MYO3B: variants seen among roughly 807,000 people sequenced by gnomAD.
MYO3B encodes myosin-IIIb.
MYO3B carries 156 observed loss-of-function variants against 174.6 expected under a neutral mutation model. The observed-to-expected ratio is 0.89, with a 90% CI of 0.78 to 1.02. The LOEUF is 1.02. MYO3B is among the 50% of genes least tolerant of loss of function. MYO3B has a pLI of 0.00. For missense variants in MYO3B, 1,632 were observed against 1,639.4 expected, an observed-to-expected ratio of 1.00 and a Z score of 0.08; for synonymous variants, 563 against 569.1, an observed-to-expected ratio of 0.99 and a Z score of 0.15.
At chr2:170,228,231 G>T (rs887014817) in intron 6 of MYO3B, among the ~76,000 whole-genome samples, 2 of 152,152 alleles carry the variant, frequency 1.3e-5, no homozygotes, top group African/African-American at 2.4e-5. Flanking sequence ...CAGGAAGGTG[G>T]TAGGTAACCA....
chr2:170,519,642 A>G (rs1575108677), intron 30 of MYO3B, 102 bp downstream of exon 30: 9 of 1,039,752 alleles, frequency 8.7e-6, no homozygotes, highest in South Asian at 5.8e-5. Context: ...TTCTACCACT[A>G]TGGTATTTTG....
At chr2:170,552,406 T>C (rs999652218) in intron 32 of MYO3B, among the ~76,000 whole-genome samples, 2 of 152,204 alleles carry the variant, frequency 1.3e-5, no homozygotes. Flanking sequence ...ACTCTTGCTA[T>C]GCTTATCAAA....
At chr2:170,646,799 GAATT>G in intron 32 of MYO3B, 1 of 617,366 alleles carries the variant, frequency 1.6e-6, no homozygotes, top group Non-Finnish European at 2.7e-6. Context: ...TATGGTGTAT[GAATT>G]AATAGAGAAG....
intron 30 of MYO3B, among the ~76,000 whole-genome samples, chr2:170,527,894 C>T (rs1037810850): frequency 5.3e-5 from 8 of 152,216 alleles, no homozygotes; most frequent in African/African-American, 1.9e-4. Context: ...TTCTGTAGCA[C>T]TCACAGAATC....
rs56861648 is a variant in MYO3B, at chr2:170,563,031, TACACACAC to T, written c.3733+19068_3733+19075del. The stretch of plus-strand genomic sequence containing the variant: ...ACACTACAAAGTTGTAAAACATGCA[TACACACAC>T]ACACACACACACACACACACACACT... On this transcript the variant is annotated intron_variant, in intron 32 of 34. Coordinates refer to ENST00000408978, the MANE Select transcript of MYO3B (RefSeq NM_138995.5). 3.0e-3 allele frequency among the ~76,000 whole-genome samples: 422 copies of T among 138,670 alleles called. 3 individuals carry two copies. The highest frequency in any genetic ancestry group is 8.9e-3 in the African/African-American group (322 of 36,374). 91.0% of individuals were successfully genotyped at this position (138,670 alleles called of 152,430 possible).
At chr2:170,478,417 C>T (rs906866342) in intron 25 of MYO3B, among the ~76,000 whole-genome samples, 4 of 151,836 alleles carry the variant, frequency 2.6e-5, no homozygotes, top group Non-Finnish European at 5.9e-5. Flanking sequence ...TCCTTGCTAC[C>T]TCATTTAAGA....
At chr2:170,522,276 C>T (rs1688716315) in intron 30 of MYO3B, among the ~76,000 whole-genome samples, 1 of 152,162 alleles carries the variant, frequency 6.6e-6, no homozygotes, top group Admixed American at 6.5e-5. Context: ...CTGATTCACA[C>T]ACCAAGACTT....
intron 32 of MYO3B, among the ~76,000 whole-genome samples, chr2:170,584,897 A>T (rs752636937): frequency 6.6e-6 from 1 of 152,234 alleles, no homozygotes; most frequent in African/African-American, 2.4e-5. Flanking sequence ...GAAATCTGGG[A>T]TGCTTTTAAG....
intron 32 of MYO3B, among the ~76,000 whole-genome samples, chr2:170,629,651 A>T (rs191473322): frequency 2.0e-5 from 3 of 152,250 alleles, no homozygotes; most frequent in African/African-American, 7.2e-5. Flanking sequence ...GGAGTTCAAG[A>T]CCAGCCTGGG....
At chr2:170,228,127 T>C (rs1424662) in intron 6 of MYO3B, among the ~76,000 whole-genome samples, 137,324 of 152,184 alleles carry the variant, frequency 0.9, 63,407 homozygotes, top group East Asian at 1. Flanking sequence ...ATAGCGTAGA[T>C]GTTACTGTGA....
chr2:170,311,974 C>T (rs62170781), intron 7 of MYO3B, among the ~76,000 whole-genome samples: 7,289 of 152,206 alleles, frequency 0.048, 233 homozygotes, highest in Middle Eastern at 0.11. Flanking sequence ...CTTCTTATGC[C>T]GGTAATCACA....
chr2:170,236,273 G>T, intron 7 of MYO3B, 137 bp downstream of exon 7: 1 of 1,100,652 alleles, frequency 9.1e-7, no homozygotes. Context: ...CTTTGAAAAA[G>T]CAAGGGGGGC....
At chr2:170,567,295 A>G (rs1447472887) in intron 32 of MYO3B, among the ~76,000 whole-genome samples, 2 of 152,282 alleles carry the variant, frequency 1.3e-5, no homozygotes, top group Admixed American at 6.5e-5. Context: ...ATGAGTATTA[A>G]TGAAATGAAT....
chr2:170,614,482 A>G (rs1421979742), intron 32 of MYO3B, among the ~76,000 whole-genome samples: 2 of 152,162 alleles, frequency 1.3e-5, no homozygotes, highest in Non-Finnish European at 2.9e-5. Flanking sequence ...TGCACCCATC[A>G]TGAGCTGACC....
At chr2:170,288,261 A>C (rs1389294291) in intron 7 of MYO3B, among the ~76,000 whole-genome samples, 1 of 151,736 alleles carries the variant, frequency 6.6e-6, no homozygotes, top group African/African-American at 2.4e-5. Context: ...TTCTGTGAAG[A>C]ATGTCATTGG....
intron 25 of MYO3B, among the ~76,000 whole-genome samples, chr2:170,470,278 T>TA (rs1386674461): frequency 6.6e-6 from 1 of 152,106 alleles, no homozygotes; most frequent in Non-Finnish European, 1.5e-5. Flanking sequence ...CCACCAAACT[T>TA]AGGCAACCAA....
intron 7 of MYO3B, among the ~76,000 whole-genome samples, chr2:170,295,413 A>G (rs2093623126): frequency 6.6e-6 from 1 of 150,940 alleles, no homozygotes; most frequent in East Asian, 1.9e-4. Flanking sequence ...TAATTGATTT[A>G]TATTATTTTA....
chr2:170,521,681 A>T (rs767265078), intron 30 of MYO3B, among the ~76,000 whole-genome samples: 36 of 150,940 alleles, frequency 2.4e-4, no homozygotes, highest in Non-Finnish European at 4.3e-4. Context: ...CATCTTTTAC[A>T]CTCTGCTATC....
At position 170,557,289 on chromosome 2, in the gene MYO3B, A is replaced by G. The variant is rs111354414; in HGVS notation, c.3733+13301A>G. Among the ~76,000 whole-genome samples, 699 of 152,000 alleles carry G rather than the reference A, an allele frequency of 4.6e-3. 4 individuals are homozygous for G. Among genetic ancestry groups the G allele is most frequent in the Non-Finnish European group, 6.9e-3 (470 of 67,950 alleles). The stretch of plus-strand genomic sequence containing the variant: ...GGAGTTGCTGGGACTACAGGCGCCC[A>G]CCACCATGCCCAGCTAATTTCTTGT... On this transcript the variant is annotated intron_variant, in intron 32 of 34. Coordinates refer to ENST00000408978, the MANE Select transcript of MYO3B (RefSeq NM_138995.5).
Sources: gnomAD v4.1 joint callset for allele counts (sites outside exome capture counted in the v4.1 genomes callset) on GRCh38, gnomAD v4.1.1 for gene constraint, MANE v1.5 for transcripts, NCBI Gene and HGNC (gene_info 2026-07-23, HGNC 2026-07-21) for gene names.